Variants in CADM1 observed in about 807,000 individuals in gnomAD.
The protein encoded by CADM1 is cell adhesion molecule 1, also known as TSLC-1.
CADM1 carries 15 observed loss-of-function variants against 53.1 expected under a neutral mutation model. That is an observed-to-expected ratio of 0.28 (90% CI 0.19 to 0.44). The LOEUF (loss-of-function observed/expected upper bound fraction) is 0.44, where lower values mean the gene tolerates loss of function less well. Ranked by LOEUF, CADM1 falls within the 20% of genes least tolerant of loss-of-function variation. The pLI, the probability that CADM1 is intolerant of heterozygous loss-of-function variation, is 1.00. For synonymous variants in CADM1, 281 were observed against 243.0 expected, an observed-to-expected ratio of 1.16 and a Z score of -1.45; for missense variants, 434 against 611.3, an observed-to-expected ratio of 0.71 and a Z score of 3.06.
intron 1 of CADM1, among the ~76,000 whole-genome samples, chr11:115,307,279 T>A (rs531297905): frequency 1.3e-5 from 2 of 151,970 alleles, no homozygotes; most frequent in South Asian, 4.1e-4. Flanking sequence ...CCCAAATAAT[T>A]TTTAGCAATT....
chr11:115,282,038 T>C (rs1357621077), intron 1 of CADM1, among the ~76,000 whole-genome samples: 3 of 152,212 alleles, frequency 2.0e-5, no homozygotes, highest in African/African-American at 7.2e-5. Context: ...TTGAAAATGT[T>C]TGTCTAGATT....
chr11:115,258,271 G>C (rs1306135570), intron 1 of CADM1, among the ~76,000 whole-genome samples: 1 of 151,980 alleles, frequency 6.6e-6, no homozygotes, highest in Non-Finnish European at 1.5e-5. Flanking sequence ...TCAGATTTAT[G>C]ATCTGCCAGC....
At chr11:115,218,017 A>C (rs1309485813) in intron 5 of CADM1, 26 bp from the exon 6 acceptor site, 2 of 1,540,442 alleles carry the variant, frequency 1.3e-6, no homozygotes, top group East Asian at 2.2e-5. Context: ...ACAAAGTATA[A>C]TGTTTAGCAA....
chr11:115,323,379 T>C (rs1341503930), intron 1 of CADM1, among the ~76,000 whole-genome samples: 1 of 152,216 alleles, frequency 6.6e-6, no homozygotes, highest in Non-Finnish European at 1.5e-5. Context: ...TTACTTTTGA[T>C]GTTTAAATAA....
chr11:115,279,869 C>T (rs1156322209), intron 1 of CADM1, among the ~76,000 whole-genome samples: 1 of 152,188 alleles, frequency 6.6e-6, no homozygotes, highest in African/African-American at 2.4e-5. Flanking sequence ...TTAGCTCCTA[C>T]CCAGCTCATC....
intron 1 of CADM1, among the ~76,000 whole-genome samples, chr11:115,278,692 A>G (rs1943509446): frequency 6.6e-6 from 1 of 152,196 alleles, no homozygotes; most frequent in Non-Finnish European, 1.5e-5. Context: ...GTTGTGTGAT[A>G]AGGGTGGGAA....
intron 1 of CADM1, among the ~76,000 whole-genome samples, chr11:115,331,655 C>A (rs1945131227): frequency 1.3e-5 from 2 of 152,074 alleles, no homozygotes; most frequent in African/African-American, 2.4e-5. Context: ...TTCACACAGT[C>A]CAGTTCCTAA....
At chr11:115,245,820 A>G (rs1021990211) in intron 1 of CADM1, among the ~76,000 whole-genome samples, 5 of 152,228 alleles carry the variant, frequency 3.3e-5, no homozygotes, top group Non-Finnish European at 5.9e-5. Context: ...CTAAGCAATT[A>G]TTGTCAGCAT....
intron 1 of CADM1, among the ~76,000 whole-genome samples, chr11:115,472,524 C>A (rs1409262906): frequency 6.6e-6 from 1 of 152,194 alleles, no homozygotes. Flanking sequence ...AATCAATGTA[C>A]AGGCTTAGTT....
intron 1 of CADM1, among the ~76,000 whole-genome samples, chr11:115,331,605 AAAAT>A (rs1321741994): frequency 3.3e-5 from 5 of 152,204 alleles, no homozygotes; most frequent in African/African-American, 7.2e-5. Flanking sequence ...TGACAAAAAT[AAAAT>A]AAATAAATAT....
Position 115,504,353 on chromosome 11 carries a change from C to T in CADM1, c.42G>A (p.Ala14=). 2 of 1,548,800 alleles carry T rather than the reference C, an allele frequency of 1.3e-6. No homozygotes were observed. The highest frequency in any genetic ancestry group is 8.7e-7 in the Non-Finnish European group (1 of 1,146,394). The change falls in exon 1 of 12, where the codon GCG becomes GCA. Residue 14 remains alanine (A), a synonymous_variant. Coordinates refer to ENST00000331581, the MANE Select transcript of CADM1 (RefSeq NM_001301043.2). ...CGGGAGGCGCCGCCGCCGCCGCTGC[C>T]GCCGCACACTGGGATCCGCTCGGCA... is the stretch of plus-strand genomic sequence containing the variant. ...VVLPSGSQCA[A]AAAAAAPPGL...
At chr11:115,357,099 C>G (rs1011416489) in intron 1 of CADM1, among the ~76,000 whole-genome samples, 2 of 152,148 alleles carry the variant, frequency 1.3e-5, no homozygotes, top group African/African-American at 2.4e-5. Flanking sequence ...CTTCATCCCC[C>G]TCCTGGAACA....
At chr11:115,299,410 A>G (rs1264088412) in intron 1 of CADM1, among the ~76,000 whole-genome samples, 1 of 152,136 alleles carries the variant, frequency 6.6e-6, no homozygotes, top group Non-Finnish European at 1.5e-5. Context: ...ATTGGTGAAC[A>G]TGGTGTATGT....
At chr11:115,297,531 T>C (rs976359065) in intron 1 of CADM1, among the ~76,000 whole-genome samples, 5 of 152,240 alleles carry the variant, frequency 3.3e-5, no homozygotes, top group African/African-American at 9.6e-5. Flanking sequence ...CTTGGCATTT[T>C]TTCCTGTTGA....
rs563592403 is a variant in CADM1 at position 115,353,261 on chromosome 11, T to A, written c.125-112841A>T. Among the ~76,000 whole-genome samples the A allele has an allele frequency of 8.4e-4, 127 of 152,034 alleles. 4 individuals are homozygous for A. The South Asian group carries it at 0.026, about 31-fold the overall frequency. On this transcript the variant is annotated intron_variant, in intron 1 of 11. Transcript: ENST00000331581. ...TAATGTACTGGTGATGAATGACCCA[T>A]GTTACTGTGTTTATAACAGCACTGT...
At chr11:115,323,106 T>C (rs1467383088) in intron 1 of CADM1, among the ~76,000 whole-genome samples, 3 of 152,154 alleles carry the variant, frequency 2.0e-5, no homozygotes, top group Admixed American at 2.0e-4. Context: ...TGTTATTGTC[T>C]TCTTGTTAAA....
chr11:115,367,486 C>A (rs1399396427), intron 1 of CADM1, among the ~76,000 whole-genome samples: 3 of 151,992 alleles, frequency 2.0e-5, no homozygotes, highest in Non-Finnish European at 4.4e-5. Context: ...TTTACATTTT[C>A]TTTTTATTCT....
At chr11:115,351,857 G>A (rs560454783) in intron 1 of CADM1, among the ~76,000 whole-genome samples, 1 of 152,232 alleles carries the variant, frequency 6.6e-6, no homozygotes, top group South Asian at 2.1e-4. Flanking sequence ...GAATGAAGTA[G>A]GCAAGACAAA....
intron 1 of CADM1, among the ~76,000 whole-genome samples, chr11:115,271,297 T>TG (rs926034406): frequency 2.6e-5 from 4 of 152,020 alleles, no homozygotes; most frequent in Admixed American, 2.6e-4. Context: ...TTGTTGTTGT[T>TG]TTTGAGACAG....
Sources: gnomAD v4.1 joint callset for allele counts (sites outside exome capture counted in the v4.1 genomes callset) on GRCh38, gnomAD v4.1.1 for gene constraint, MANE v1.5 for transcripts, NCBI Gene and HGNC (gene_info 2026-07-23, HGNC 2026-07-21) for gene names.